Variants in PYCR2 observed in about 807,000 individuals in gnomAD.
PYCR2 encodes pyrroline-5-carboxylate reductase 2.
In PYCR2, 17 loss-of-function variants were observed where a neutral mutation model predicts 23.4. The ratio of observed to expected loss-of-function variants is 0.73; its 90% CI spans 0.50 to 1.09. The LOEUF (loss-of-function observed/expected upper bound fraction) is 1.09, where lower values mean the gene tolerates loss of function less well. Ranked by LOEUF, PYCR2 falls within the 50% of genes least tolerant of loss-of-function variation. The pLI is 0.00. For synonymous variants in PYCR2, 172 were observed against 176.6 expected (o/e 0.97, Z 0.21); for missense variants, 380 against 423.5 (o/e 0.90, Z 0.90).
In PYCR2 at chr1:225,921,403, C is replaced by T; in HGVS notation, c.634-32G>A. The T allele has an allele frequency of 1.3e-6, 2 of 1,528,326 alleles. No homozygotes were observed. Among genetic ancestry groups the T allele is most frequent in the Non-Finnish European group, 1.8e-6 (2 of 1,106,276 alleles). 94.7% of individuals were successfully genotyped at this position (1,528,326 alleles called of 1,614,324 possible). A position where few individuals can be genotyped will look rare whatever the true frequency, so the allele number is the denominator to read the frequency against. On this transcript the variant is annotated intron_variant, in intron 5 of 6. Coordinates refer to ENST00000343818, the MANE Select transcript of PYCR2 (RefSeq NM_013328.4). The surrounding 1 kb of genome is among the most constrained non-coding windows in gnomAD (Gnocchi z 4.2). The stretch of plus-strand genomic sequence containing the variant: ...GGAAGGGCACATTAGGAGAAAGTTG[C>T]TGGTGTGCGTTGGAACAGGCTTCCC...
At chr1:225,923,880 C>A in intron 1 of PYCR2, 109 bp from the exon 2 acceptor site, 1 of 1,525,842 alleles carries the variant, frequency 6.6e-7, no homozygotes, top group Non-Finnish European at 8.9e-7. Context: ...TCCCTCTCCC[C>A]CTCAACCCTC....
At chr1:225,923,955 C>G (rs543859154) in intron 1 of PYCR2, 89 bp downstream of exon 1, 35 of 1,502,282 alleles carry the variant, frequency 2.3e-5, no homozygotes, top group Middle Eastern at 1.7e-4. Flanking sequence ...GACGCAAACT[C>G]CCCTTTCATT....
In PYCR2 at chr1:225,923,966, C is replaced by G. The variant is rs1376967034; in HGVS notation, c.67+78G>C. The G allele has an allele frequency of 2.6e-6, 4 of 1,509,494 alleles. No individual in the cohort carries two copies. The East Asian group carries it at 7.4e-5, about 28-fold the overall frequency. 93.5% of individuals were successfully genotyped at this position (1,509,494 alleles called of 1,614,324 possible). A position where few individuals can be genotyped will look rare whatever the true frequency, so the allele number is the denominator to read the frequency against. ...ACCGGACGCAAACTCCCCTTTCATTCGCTCATGCTGGTGGGACGGAGGCCC... is the reference window on the plus strand; with the variant it reads ...ACCGGACGCAAACTCCCCTTTCATTGGCTCATGCTGGTGGGACGGAGGCCC... On this transcript the variant is annotated intron_variant, in intron 1 of 6. Transcript: ENST00000343818.
At chr1:225,922,666 G>A in intron 2 of PYCR2, 2 of 439,524 alleles carry the variant, frequency 4.6e-6, no homozygotes, top group South Asian at 6.1e-5. Flanking sequence ...GCACTCCTCT[G>A]CCAGGTAAGA....
At chr1:225,920,854 T>C (rs1671816000) in intron 6 of PYCR2, among the ~76,000 whole-genome samples, 1 of 152,194 alleles carries the variant, frequency 6.6e-6, no homozygotes, top group Non-Finnish European at 1.5e-5. Flanking sequence ...CCAAGTGGTA[T>C]CTGTGATCAC....
chr1:225,923,653 C>A, intron 2 of PYCR2, 48 bp downstream of exon 2: 1 of 1,613,200 alleles, frequency 6.2e-7, no homozygotes, highest in Non-Finnish European at 8.5e-7. Context: ...TCAGGTCATC[C>A]TTTTCCTGGG....
In PYCR2 at chr1:225,921,414, TG is replaced by T. The variant is rs776656293; in HGVS notation, c.634-44del. ...TTAGGAGAAAGTTGCTGGTGTGCGT[TG>T]GAACAGGCTTCCCATACCCACTGCT... On this transcript the variant is annotated intron_variant, in intron 5 of 6. Transcript: ENST00000343818. This position sits in a 1 kb window ranked among gnomAD's most constrained non-coding sequence, Gnocchi z 4.2. 4 of 1,524,240 alleles carry T rather than the reference TG, an allele frequency of 2.6e-6. No homozygotes were observed. The South Asian group carries it at 3.4e-5, about 13-fold the overall frequency. The allele number at this position is 1,524,240 out of a possible 1,614,324, so 94.4% of individuals were successfully genotyped here.
At chr1:225,923,090 G>A (rs565788557) in intron 2 of PYCR2, 1 of 871,006 alleles carries the variant, frequency 1.1e-6, no homozygotes, top group South Asian at 5.2e-5. Context: ...AAGTGGCTGA[G>A]TACTTTAAGG....
chr1:225,924,071 C>A lies in PYCR2; in HGVS notation c.40G>T (p.Ala14Ser). The stretch of plus-strand genomic sequence containing the variant: ...GCGGCCGTGAAGCCCCGCGCCAGAG[C>A]ATAGGCCAGCTGGCCGGCCCCGATG... ...GFIGAGQLAYALARGFTAAGI... is the reference protein window; with the variant it reads ...GFIGAGQLAYSLARGFTAAGI... The change falls in exon 1 of 7, where the codon GCT (alanine) becomes TCT (serine). Residue 14 changes from alanine to serine, a missense_variant. By Grantham distance (99) the Ala-to-Ser change is moderately conservative. Transcript: ENST00000343818. 6.5e-7 allele frequency: 1 copy of A among 1,545,104 alleles called. No homozygotes were observed.
chr1:225,921,534 C>T lies in PYCR2; in HGVS notation c.633+18G>A, dbSNP rs770830461. On this transcript the variant is annotated intron_variant, in intron 5 of 6. Transcript: ENST00000343818. This position sits in a 1 kb window ranked among gnomAD's most constrained non-coding sequence, Gnocchi z 4.2. The stretch of plus-strand genomic sequence containing the variant: ...ATTCTACACCCTGGTCCTGAACATG[C>T]GGGGGAAAGATACTGACCAGCAAAG... 23 of 1,613,478 alleles carry T rather than the reference C, an allele frequency of 1.4e-5. No homozygotes were observed. Among genetic ancestry groups the T allele is most frequent in the South Asian group, 7.7e-5 (7 of 91,084 alleles).
In PYCR2 at chr1:225,921,220, CAGG is replaced by C. The variant is rs1198562340; in HGVS notation, c.782_784del (p.Ser261del). 2.5e-6 allele frequency: 4 copies of C among 1,613,404 alleles called. No individual in the cohort carries two copies. The highest frequency in any genetic ancestry group is 3.4e-6 in the Non-Finnish European group (4 of 1,179,690). On this transcript the variant is annotated inframe_deletion, in exon 6 of 7. Transcript: ENST00000343818. This position sits in a 1 kb window ranked among gnomAD's most constrained non-coding sequence, Gnocchi z 4.2. ...GGGATGGACTCACCGTGTTCGGATA[CAGG>C]AGGCCTCAACTGCATTGATGAGCAG...
At chr1:225,923,649 C>T in intron 2 of PYCR2, 52 bp downstream of exon 2, 1 of 1,612,834 alleles carries the variant, frequency 6.2e-7, no homozygotes, top group Non-Finnish European at 8.5e-7. Flanking sequence ...CATCTCAGGT[C>T]ATCCTTTTCC....
intron 2 of PYCR2, chr1:225,923,389 C>A: frequency 9.2e-7 from 1 of 1,081,092 alleles, no homozygotes; most frequent in Non-Finnish European, 1.2e-6. Flanking sequence ...AAGACCCTGT[C>A]TGAAAAAAAA....
Position 225,923,731 on chromosome 1 carries a change from T to C in PYCR2, c.108A>G (p.Glu36=). The C allele has an allele frequency of 2.5e-6, 4 of 1,614,092 alleles. No individual in the cohort carries two copies. The highest frequency in any genetic ancestry group is 3.4e-6 in the Non-Finnish European group (4 of 1,180,002). Residue 36 remains glutamate (E), a synonymous_variant, in exon 2 of 7, where the codon GAA becomes GAG. Transcript: ENST00000343818. ...SAHKIIASSP[E]MNLPTVSALR... is the part of the protein sequence containing the mutation. Reference sequence around the variant, plus strand: ...GCGCGGACACCGTGGGCAGGTTCATTTCTGGGGAGCTGGCTATTATCTTGT... The same window carrying C: ...GCGCGGACACCGTGGGCAGGTTCATCTCTGGGGAGCTGGCTATTATCTTGT...
chr1:225,922,165 C>T, intron 3 of PYCR2, 39 bp downstream of exon 3: 1 of 1,607,820 alleles, frequency 6.2e-7, no homozygotes, highest in South Asian at 1.1e-5. Flanking sequence ...TGGGTCAACC[C>T]TCCCCTCACA....
rs964157111 is a variant in PYCR2, at chr1:225,923,764, C to T, written c.75G>A (p.Leu25=). Residue 25 remains leucine, a synonymous_variant, in exon 2 of 7, where the codon CTG becomes CTA. Transcript: ENST00000343818. The stretch of plus-strand genomic sequence containing the variant: ...AGCTGGCTATTATCTTGTGAGCCGA[C>T]AGGATGCCTGCAGAAGACAGAGCTT... ...LARGFTAAGI[L]SAHKIIASSP... is the part of the protein sequence containing the mutation. 1 of 1,614,166 alleles carries T rather than the reference C, an allele frequency of 6.2e-7. No homozygotes were observed. Among genetic ancestry groups the T allele is most frequent in the East Asian group, 2.2e-5 (1 of 44,880 alleles).
In PYCR2 at chr1:225,922,247, A is replaced by T; in HGVS notation, c.275T>A (p.Val92Glu). Residue 92 changes from valine to glutamate, a missense_variant, in exon 3 of 7, where the codon GTG becomes GAG. Physicochemically the swap from Val to Glu is moderately radical, Grantham distance 121 (BLOSUM62 -2). Transcript: ENST00000343818. ...IGADVQARHI[V>E]VSCAAGVTIS... ...GGTGACACCAGCCGCACAGGAGACCACGATGTGTCTGGCTTGCACGTCGGC... is the reference window on the plus strand; with the variant it reads ...GGTGACACCAGCCGCACAGGAGACCTCGATGTGTCTGGCTTGCACGTCGGC... The T allele has an allele frequency of 6.2e-7, 1 of 1,614,210 alleles. No homozygotes were observed. Among genetic ancestry groups the T allele is most frequent in the East Asian group, 2.2e-5 (1 of 44,884 alleles).
rs745524573 is a variant in PYCR2, at chr1:225,922,139, C to A, written c.319-60G>T. The A allele has an allele frequency of 2.5e-6, 4 of 1,605,772 alleles. No individual in the cohort carries two copies. In the African/African-American group the frequency reaches 5.3e-5, roughly 21 times the overall value. On this transcript the variant is annotated intron_variant, in intron 3 of 6. Coordinates refer to ENST00000343818, the MANE Select transcript of PYCR2 (RefSeq NM_013328.4). Reference sequence around the variant, plus strand: ...GGCACGGCTCCCACCAGCACCCACCCATTAGCTGCCATTCGTGGGTCAACC... The same window carrying A: ...GGCACGGCTCCCACCAGCACCCACCAATTAGCTGCCATTCGTGGGTCAACC...
chr1:225,923,519 G>C, intron 2 of PYCR2, 182 bp downstream of exon 2: 3 of 1,444,060 alleles, frequency 2.1e-6, no homozygotes, highest in Non-Finnish European at 2.7e-6. Flanking sequence ...ATGTCTCCCT[G>C]GGTGTTCCCA....
Sources: allele counts gnomAD v4.1 joint callset (sites outside exome capture counted in the v4.1 genomes callset), GRCh38; gene constraint gnomAD v4.1.1; non-coding constraint Gnocchi (gnomAD v3.1); transcripts MANE v1.5; gene names NCBI Gene and HGNC (gene_info 2026-07-23, HGNC 2026-07-21).